CPA3: variants seen among roughly 807,000 people sequenced by gnomAD.
CPA3 encodes the protein carboxypeptidase A3.
A neutral mutation model predicts 55.8 loss-of-function variants in CPA3; 52 were observed. The observed-to-expected ratio is 0.93, with a 90% CI of 0.75 to 1.17. The LOEUF (loss-of-function observed/expected upper bound fraction) is 1.17, where lower values mean the gene tolerates loss of function less well. Among genes scored for constraint, CPA3 ranks in the 50% most tolerant of loss-of-function variants. The probability of loss-of-function intolerance (pLI) is 0.00; values close to 1 mark genes in which losing one functional copy is unlikely to be tolerated. For missense variants in CPA3, 547 were observed against 509.1 expected (o/e 1.07, Z -0.72); for synonymous variants, 179 against 171.2 (o/e 1.05, Z -0.36).
At chr3:148,869,108 G>C in intron 3 of CPA3, 69 bp downstream of exon 3, 1 of 1,555,900 alleles carries the variant, frequency 6.4e-7, no homozygotes, top group Non-Finnish European at 8.7e-7. Flanking sequence ...GTAGAGGAAA[G>C]TATTACAATG....
chr3:148,892,673 C>T (rs1371605780), intron 10 of CPA3, among the ~76,000 whole-genome samples: 1 of 151,036 alleles, frequency 6.6e-6, no homozygotes, highest in Non-Finnish European at 1.5e-5. Context: ...ACAACAACAA[C>T]AACAAAAAAC....
intron 10 of CPA3, among the ~76,000 whole-genome samples, chr3:148,895,930 G>GTGTGTTTAT (rs1456357228): frequency 1.3e-5 from 2 of 152,116 alleles, no homozygotes; most frequent in Non-Finnish European, 2.9e-5. Context: ...ACCTTTAGAT[G>GTGTGTTTAT]TGTGTTTATA....
At position 148,868,907 on chromosome 3, in the gene CPA3, C is replaced by A. The variant is rs371537571; in HGVS notation, c.145-8C>A. On this transcript the variant is annotated splice_polypyrimidine_tract_variant and splice_region_variant and intron_variant, in intron 2 of 10. Coordinates refer to ENST00000296046, the MANE Select transcript of CPA3 (RefSeq NM_001870.4). ...AAACTCTGACTAACATTGAGCTTAT[C>A]TCTGCAGCTTGACTTCTGGTATCCA... is the stretch of plus-strand genomic sequence containing the variant. The A allele has an allele frequency of 2.0e-5, 32 of 1,612,736 alleles. No homozygotes were observed. The highest frequency in any genetic ancestry group is 2.6e-5 in the Non-Finnish European group (31 of 1,179,702).
chr3:148,894,254 G>C (rs1022170275), intron 10 of CPA3, among the ~76,000 whole-genome samples: 1 of 152,120 alleles, frequency 6.6e-6, no homozygotes, highest in African/African-American at 2.4e-5. Flanking sequence ...CTGAAAGGAA[G>C]TAAAGTTTCT....
Position 148,878,654 on chromosome 3 carries a change from C to G in CPA3, c.380C>G (p.Ala127Gly). Reference protein sequence around the residue: ...AKYNNWEKIVAWTEKMMDKYP... With the variant: ...AKYNNWEKIVGWTEKMMDKYP... ...ATTGATTTTGCTCTTAAGATTGTGG[C>G]TTGGACTGAAAAGATGATGGATAAG... Residue 127 changes from alanine (A) to glycine (G), a missense_variant, in exon 5 of 11, where the codon GCT becomes GGT. Ala to Gly is a moderately conservative substitution (Grantham distance 60). Transcript: ENST00000296046. 2 of 1,607,812 alleles carry G rather than the reference C, an allele frequency of 1.2e-6. No individual in the cohort carries two copies. Among genetic ancestry groups the G allele is most frequent in the Non-Finnish European group, 1.7e-6 (2 of 1,176,234 alleles).
At chr3:148,865,658 G>C in intron 2 of CPA3, 110 bp downstream of exon 2, 1 of 956,680 alleles carries the variant, frequency 1.0e-6, no homozygotes, top group South Asian at 1.6e-5. Context: ...GAACATAAGG[G>C]GAAAGCAGGA....
chr3:148,866,400 C>A (rs1713901719), intron 2 of CPA3, among the ~76,000 whole-genome samples: 1 of 152,210 alleles, frequency 6.6e-6, no homozygotes, highest in South Asian at 2.1e-4. Context: ...TTTCCATAGT[C>A]CCTTAACTAG....
intron 6 of CPA3, among the ~76,000 whole-genome samples, chr3:148,881,101 A>G (rs953962267): frequency 2.6e-5 from 4 of 152,176 alleles, no homozygotes; most frequent in Non-Finnish European, 4.4e-5. Flanking sequence ...AATCCTGCTT[A>G]TAACTATCTC....
At chr3:148,873,148 T>C (rs888989832) in intron 3 of CPA3, among the ~76,000 whole-genome samples, 2 of 151,740 alleles carry the variant, frequency 1.3e-5, no homozygotes, top group African/African-American at 2.4e-5. Flanking sequence ...TCCTCAAACT[T>C]TGAGAAATCC....
At chr3:148,885,439 T>C (rs1714503336) in intron 9 of CPA3, among the ~76,000 whole-genome samples, 1 of 129,212 alleles carries the variant, frequency 7.7e-6, no homozygotes, top group African/African-American at 2.9e-5. Flanking sequence ...TTAGACGGAG[T>C]CTCGCTCTGT....
chr3:148,882,666 C>T (rs1714404194), intron 8 of CPA3, 71 bp downstream of exon 8: 2 of 1,150,236 alleles, frequency 1.7e-6, no homozygotes, highest in Admixed American at 1.9e-5. Context: ...AACTAAAACA[C>T]CTACTTGTTC....
chr3:148,888,236 T>C (rs901747007), intron 10 of CPA3, among the ~76,000 whole-genome samples: 1 of 152,234 alleles, frequency 6.6e-6, no homozygotes, highest in Non-Finnish European at 1.5e-5. Flanking sequence ...AATTTGAAAA[T>C]GCCGGAATCA....
rs560652446 is a variant in CPA3, at chr3:148,891,826, G to T, written c.1067-4694G>T. 6.6e-4 allele frequency among the ~76,000 whole-genome samples: 101 copies of T among 152,200 alleles called. No homozygotes were observed. The South Asian group carries it at 0.012, about 18-fold the overall frequency. On this transcript the variant is annotated intron_variant, in intron 10 of 10. Coordinates refer to ENST00000296046, the MANE Select transcript of CPA3 (RefSeq NM_001870.4). ...AGAGAGCTACTGCAACTAGGAACTG[G>T]CCAAGTTTATTAAAATGTCTAACAT...
At chr3:148,874,504 C>A (rs376904399) in intron 3 of CPA3, among the ~76,000 whole-genome samples, 1 of 152,154 alleles carries the variant, frequency 6.6e-6, no homozygotes, top group East Asian at 1.9e-4. Flanking sequence ...GTGCAACATG[C>A]TCCACCTGAT....
At chr3:148,883,306 A>C (rs1005026406) in intron 8 of CPA3, among the ~76,000 whole-genome samples, 1 of 152,176 alleles carries the variant, frequency 6.6e-6, no homozygotes, top group African/African-American at 2.4e-5. Flanking sequence ...CTGGGGTTGA[A>C]TTAGAACTGG....
chr3:148,869,571 C>A lies in CPA3; in HGVS notation c.269+532C>A, dbSNP rs1380184115. Among the ~76,000 whole-genome samples, 7 of 151,900 alleles carry A rather than the reference C, an allele frequency of 4.6e-5. No homozygotes were observed. In the East Asian group the frequency reaches 9.7e-4, roughly 21 times the overall value. ...TAAATAATTCTTTATGAAAAAAATT[C>A]TTCCTCAGAGAAAGCACAAGCAGAG... is the stretch of plus-strand genomic sequence containing the variant. On this transcript the variant is annotated intron_variant, in intron 3 of 10. Coordinates refer to ENST00000296046, the MANE Select transcript of CPA3 (RefSeq NM_001870.4).
In CPA3 at chr3:148,896,584, T is replaced by G; in HGVS notation, c.1131T>G (p.Phe377Leu). 1 of 1,586,682 alleles carries G rather than the reference T, an allele frequency of 6.3e-7. No individual in the cohort carries two copies. The highest frequency in any genetic ancestry group is 8.6e-7 in the Non-Finnish European group (1 of 1,158,916). ...TGGGCATCAAACACACATTTGCCTT[T>G]GAGCTCCGAGATAAAGGCAAATTTG... is the stretch of plus-strand genomic sequence containing the variant. ...YDLGIKHTFA[F>L]ELRDKGKFGF... The change falls in exon 11 of 11, where the codon TTT (phenylalanine) becomes TTG (leucine). Residue 377 changes from phenylalanine (F) to leucine (L), a missense_variant. Phe to Leu is a conservative substitution (Grantham distance 22). Transcript: ENST00000296046.
intron 5 of CPA3, among the ~76,000 whole-genome samples, chr3:148,879,251 T>C (rs1714294785): frequency 6.6e-6 from 1 of 152,164 alleles, no homozygotes; most frequent in African/African-American, 2.4e-5. Flanking sequence ...ACTTAACAAG[T>C]GAGAAGCCCA....
chr3:148,878,638 G>T lies in CPA3; in HGVS notation c.373-9G>T, dbSNP rs1308711764. 3 of 1,594,110 alleles carry T rather than the reference G, an allele frequency of 1.9e-6. No homozygotes were observed. Among genetic ancestry groups the T allele is most frequent in the Admixed American group, 1.7e-5 (1 of 58,228 alleles). On this transcript the variant is annotated splice_polypyrimidine_tract_variant and intron_variant, in intron 4 of 10. Coordinates refer to ENST00000296046, the MANE Select transcript of CPA3 (RefSeq NM_001870.4). ...ATTCTAATTTCTCAAAATTGATTTTGCTCTTAAGATTGTGGCTTGGACTGA... is the reference window on the plus strand; with the variant it reads ...ATTCTAATTTCTCAAAATTGATTTTTCTCTTAAGATTGTGGCTTGGACTGA...
Sources: allele counts gnomAD v4.1 joint callset (sites outside exome capture counted in the v4.1 genomes callset), GRCh38; gene constraint gnomAD v4.1.1; transcripts MANE v1.5; gene names NCBI Gene and HGNC (gene_info 2026-07-23, HGNC 2026-07-21).